Variants in ARHGEF40 observed in about 807,000 individuals in gnomAD.
ARHGEF40 encodes Rho guanine nucleotide exchange factor (GEF) 40.
A neutral mutation model predicts 165.9 loss-of-function variants in ARHGEF40; 98 were observed. The ratio of observed to expected loss-of-function variants is 0.59; its 90% CI spans 0.50 to 0.70. ARHGEF40 has a LOEUF of 0.70. Ranked by LOEUF, ARHGEF40 falls within the 30% of genes least tolerant of loss-of-function variation. The probability of loss-of-function intolerance (pLI) is 0.00; values close to 1 mark genes in which losing one functional copy is unlikely to be tolerated. For synonymous variants in ARHGEF40, 792 were observed against 814.3 expected (o/e 0.97, Z 0.47); for missense variants, 1,815 against 1,968.0 (o/e 0.92, Z 1.47).
chr14:21,085,917 GAA>G, intron 19 of ARHGEF40, 51 bp downstream of exon 19: 1 of 1,598,774 alleles, frequency 6.3e-7, no homozygotes, highest in Non-Finnish European at 8.5e-7. Flanking sequence ...GTTATAGCAG[GAA>G]GTTTTCTGGA....
chr14:21,078,181 T>C lies in ARHGEF40; in HGVS notation c.2039T>C (p.Val680Ala). Reference sequence around the variant, plus strand: ...ATCCCTGCATGTGGGTTTCAGGAAGTGGTAAGGCTATGTCGCCTGTGCCAA... The same window carrying C: ...ATCCCTGCATGTGGGTTTCAGGAAGCGGTAAGGCTATGTCGCCTGTGCCAA... Reference protein sequence around the residue: ...PSHWVEIHQEVVRLCRLCQGV... With the variant: ...PSHWVEIHQEAVRLCRLCQGV... Residue 680 changes from valine (V) to alanine (A), a missense_variant, in exon 9 of 24, where the codon GTG becomes GCG. Transcript: ENST00000298694. The C allele has an allele frequency of 6.2e-7, 1 of 1,611,692 alleles. No individual in the cohort carries two copies.
At chr14:21,068,966 G>C (rs61978195), upstream of ARHGEF40, among the ~76,000 whole-genome samples, 8,142 of 152,362 alleles carry the variant, frequency 0.053, 224 homozygotes, top group South Asian at 0.089. Flanking sequence ...CAACTGCCCA[G>C]AGGCTCCGGC....
At chr14:21,078,109 C>T in intron 8 of ARHGEF40, 68 bp from the exon 9 acceptor site, 2 of 1,457,284 alleles carry the variant, frequency 1.4e-6, no homozygotes, top group Non-Finnish European at 1.8e-6. Flanking sequence ...CTACCGCACC[C>T]CAACCCTAGG....
Position 21,087,378 on chromosome 14 carries a change from T to C in ARHGEF40, c.4302T>C (p.Leu1434=). The C allele has an allele frequency of 6.2e-7, 1 of 1,604,052 alleles. No individual in the cohort carries two copies. The highest frequency in any genetic ancestry group is 8.5e-7 in the Non-Finnish European group (1 of 1,179,818). The change falls in exon 21 of 24, where the codon CTT becomes CTC. Residue 1434 remains leucine, a synonymous_variant. Transcript: ENST00000298694. Reference sequence around the variant, plus strand: ...CCTTTGAGCATGCCGGCCCCTCCCTTCCCGGCCTTTCGCCGGGAGCCTGCT... The same window carrying C: ...CCTTTGAGCATGCCGGCCCCTCCCTCCCCGGCCTTTCGCCGGGAGCCTGCT... ...VSSFEHAGPS[L]PGLSPGACSL...
chr14:21,064,423 T>A, the ARHGEF40 span, among the ~76,000 whole-genome samples: 1 of 152,046 alleles, frequency 6.6e-6, no homozygotes, highest in Non-Finnish European at 1.5e-5. Context: ...TGTCTCAGCC[T>A]CCCAAGTAGC....
rs1202437237 is a variant in ARHGEF40 at position 21,081,497 on chromosome 14, T to C, written c.2641-12T>C. On this transcript the variant is annotated splice_polypyrimidine_tract_variant and intron_variant, in intron 13 of 23. Coordinates refer to ENST00000298694, the MANE Select transcript of ARHGEF40 (RefSeq NM_018071.5). The stretch of plus-strand genomic sequence containing the variant: ...CCTTTCTCTCCCATCCCCAACCCCT[T>C]TGACTTCGTAGGCACATGAATGGGT... 6.2e-7 allele frequency: 1 copy of C among 1,612,344 alleles called. No individual in the cohort carries two copies. The highest frequency in any genetic ancestry group is 1.3e-5 in the African/African-American group (1 of 74,908).
At position 21,070,428 on chromosome 14, in the gene ARHGEF40, C is replaced by A; in HGVS notation, c.3+29C>A. 1.4e-6 allele frequency: 2 copies of A among 1,401,232 alleles called. No individual in the cohort carries two copies. The highest frequency in any genetic ancestry group is 1.8e-6 in the Non-Finnish European group (2 of 1,086,328). The allele number at this position is 1,401,232 out of a possible 1,614,324, so 86.8% of individuals were successfully genotyped here. ...AGTCCAGCGTCGCAGCCCCCTGGGT[C>A]CCCTCGGCCTTCGCGCAGCCCGCTC... On this transcript the variant is annotated intron_variant, in intron 1 of 23. Coordinates refer to ENST00000298694, the MANE Select transcript of ARHGEF40 (RefSeq NM_018071.5). This position sits in a 1 kb window ranked among gnomAD's most constrained non-coding sequence, Gnocchi z 4.7.
At position 21,074,992 on chromosome 14, in the gene ARHGEF40, G is replaced by A; in HGVS notation, c.1262G>A (p.Ser421Asn). Reference protein sequence around the residue: ...QEALGNLPSPSEHKLPECHLV... With the variant: ...QEALGNLPSPNEHKLPECHLV... ...GCCCTTGGCAATCTGCCCTCACCAA[G>A]TGAGCACAAGCTTCCAGAATGCCAC... The change falls in exon 3 of 24, where the codon AGT (serine) becomes AAT (asparagine). Residue 421 changes from serine to asparagine, a missense_variant. By Grantham distance (46) the Ser-to-Asn change is conservative. Transcript: ENST00000298694. This position sits in a 1 kb window ranked among gnomAD's most constrained non-coding sequence, Gnocchi z 4.8. 1 of 1,613,426 alleles carries A rather than the reference G, an allele frequency of 6.2e-7. No homozygotes were observed. Among genetic ancestry groups the A allele is most frequent in the South Asian group, 1.1e-5 (1 of 91,014 alleles).
At chr14:21,088,710 T>G (rs1888581361) in intron 22 of ARHGEF40, 120 bp from the exon 23 acceptor site, 1 of 1,082,544 alleles carries the variant, frequency 9.2e-7, no homozygotes, top group Non-Finnish European at 1.3e-6. Context: ...AATAGCAAAA[T>G]TCAAGGATTT....
At chr14:21,078,732 A>G in intron 10 of ARHGEF40, 152 bp from the exon 11 acceptor site, 1 of 1,198,834 alleles carries the variant, frequency 8.3e-7, no homozygotes, top group Non-Finnish European at 1.2e-6. Context: ...GTAAAGAGTC[A>G]GGATTCAAAC....
rs1279820936 is a variant in ARHGEF40 at position 21,089,559 on chromosome 14, G to A, written c.*551G>A. On this transcript the variant is annotated 3_prime_UTR_variant, in exon 24 of 24. Coordinates refer to ENST00000298694, the MANE Select transcript of ARHGEF40 (RefSeq NM_018071.5). ...TATTTACTCACACTTTGCCTCTAAG[G>A]AGCTAGAGTAGTCCTCTGGATTAAG... The A allele has an allele frequency of 6.6e-6, 1 of 152,556 alleles. No individual in the cohort carries two copies. Among genetic ancestry groups the A allele is most frequent in the African/African-American group, 2.4e-5 (1 of 41,408 alleles). 9.5% of individuals were successfully genotyped at this position (152,556 alleles called of 1,614,324 possible).
At chr14:21,066,760 TG>T (rs1280878444), upstream of ARHGEF40, among the ~76,000 whole-genome samples, 27 of 152,382 alleles carry the variant, frequency 1.8e-4, no homozygotes, top group African/African-American at 6.5e-4. Flanking sequence ...GCTGGTGGTA[TG>T]GACCTTGATG....
rs372619383 is a variant in ARHGEF40, at chr14:21,087,274, G to T, written c.4244-46G>T. 59 of 1,591,830 alleles carry T rather than the reference G, an allele frequency of 3.7e-5. No individual in the cohort carries two copies. The African/African-American group carries it at 7.5e-4, about 20-fold the overall frequency. ...AGGGTCATTCCAGGGAGCCAAGAGG[G>T]CTTTCCCACACCAGCACCCCACCCC... On this transcript the variant is annotated intron_variant, in intron 20 of 23. Coordinates refer to ENST00000298694, the MANE Select transcript of ARHGEF40 (RefSeq NM_018071.5).
At chr14:21,068,881 G>A (rs1886443788), upstream of ARHGEF40, among the ~76,000 whole-genome samples, 1 of 152,262 alleles carries the variant, frequency 6.6e-6, no homozygotes, top group Non-Finnish European at 1.5e-5. Flanking sequence ...AAAAGGTGGA[G>A]GTTAGCGTCC....
upstream of ARHGEF40, among the ~76,000 whole-genome samples, chr14:21,065,772 C>G (rs1454468734): frequency 6.6e-6 from 1 of 152,114 alleles, no homozygotes; most frequent in Admixed American, 6.6e-5. Flanking sequence ...CCAAATTAAG[C>G]ATCTTTAGGA....
Position 21,078,937 on chromosome 14 carries a change from A to T in ARHGEF40, c.2300A>T (p.His767Leu). 1 of 1,614,200 alleles carries T rather than the reference A, an allele frequency of 6.2e-7. No individual in the cohort carries two copies. Among genetic ancestry groups the T allele is most frequent in the Non-Finnish European group, 8.5e-7 (1 of 1,179,996 alleles). Residue 767 changes from histidine (H) to leucine (L), a missense_variant, in exon 11 of 24, where the codon CAC becomes CTC. Physicochemically the swap from His to Leu is moderately conservative, Grantham distance 99. Transcript: ENST00000298694. Reference protein sequence around the residue: ...TLYQEVDEAIHQLVRLSNLHV... With the variant: ...TLYQEVDEAILQLVRLSNLHV... ...TATCAGGAAGTGGACGAGGCCATTC[A>T]CCAGCTTGTGCGCCTCTCCAACCTG...
In ARHGEF40 at chr14:21,084,891, T is replaced by C. The variant is rs1888218540; in HGVS notation, c.3928T>C (p.Ser1310Pro). 6.2e-7 allele frequency: 1 copy of C among 1,613,712 alleles called. No homozygotes were observed. Among genetic ancestry groups the C allele is most frequent in the Admixed American group, 1.7e-5 (1 of 59,960 alleles). Residue 1310 changes from serine (S) to proline (P), a missense_variant, in exon 18 of 24, where the codon TCA becomes CCA. Physicochemically the swap from Ser to Pro is moderately conservative, Grantham distance 74. Transcript: ENST00000298694. The stretch of plus-strand genomic sequence containing the variant: ...CAAGCTCAAGGGCCCTGAAGGGGGG[T>C]CAGAGATGTTTGTTTACAAGCAGGC... ...FSKLKGPEGG[S>P]EMFVYKQAFK...
intron 8 of ARHGEF40, 96 bp from the exon 9 acceptor site, chr14:21,078,081 C>T: frequency 9.2e-7 from 1 of 1,088,464 alleles, no homozygotes. Flanking sequence ...AGCATTGCCT[C>T]CATAAAAGTC....
At chr14:21,068,548 G>A (rs1192660168), upstream of ARHGEF40, among the ~76,000 whole-genome samples, 1 of 152,050 alleles carries the variant, frequency 6.6e-6, no homozygotes, top group Admixed American at 6.6e-5. Context: ...TTTGAGACAG[G>A]TGAATAAGGT....
Sources: gnomAD v4.1 joint callset for allele counts (sites outside exome capture counted in the v4.1 genomes callset) on GRCh38, gnomAD v4.1.1 for gene constraint, Gnocchi (gnomAD v3.1) non-coding constraint, MANE v1.5 for transcripts, NCBI Gene and HGNC (gene_info 2026-07-23, HGNC 2026-07-21) for gene names.